The following CAMK2B variants were observed in gnomAD, a reference collection of about 807,000 sequenced individuals.
CAMK2B encodes calcium/calmodulin dependent protein kinase II beta, also known as calcium/calmodulin-dependent protein kinase type II subunit beta.
CAMK2B carries 27 observed loss-of-function variants against 93.7 expected under a neutral mutation model. The ratio of observed to expected loss-of-function variants is 0.29; its 90% CI spans 0.21 to 0.40. The LOEUF is 0.40. CAMK2B is among the 10% of genes least tolerant of loss of function. The pLI is 1.00. For synonymous variants in CAMK2B, 374 were observed against 358.8 expected (o/e 1.04, Z -0.48); for missense variants, 568 against 895.8 (o/e 0.63, Z 4.67).
In CAMK2B at chr7:44,240,754, GGAGA is replaced by G; in HGVS notation, c.904-9_904-6del. The G allele has an allele frequency of 1.2e-6, 2 of 1,613,784 alleles. No homozygotes were observed. The highest frequency in any genetic ancestry group is 1.7e-6 in the Non-Finnish European group (2 of 1,179,896). The stretch of plus-strand genomic sequence containing the variant: ...CATGGTGGTGAGGATGGCTCCCTGG[GGAGA>G]GACACAGATAAAACCGGGGCTATCC... On this transcript the variant is annotated splice_polypyrimidine_tract_variant and splice_region_variant and intron_variant, in intron 11 of 23. Coordinates refer to ENST00000395749, the MANE Select transcript of CAMK2B (RefSeq NM_001220.5).
intron 22 of CAMK2B, 77 bp from the exon 23 acceptor site, chr7:44,220,371 A>G: frequency 8.5e-7 from 1 of 1,171,456 alleles, no homozygotes; most frequent in Non-Finnish European, 1.2e-6. Context: ...CACCAGCCTA[A>G]TCCTTTCCCT....
At chr7:44,231,337 T>C (rs1192632134) in intron 16 of CAMK2B, among the ~76,000 whole-genome samples, 1 of 152,124 alleles carries the variant, frequency 6.6e-6, no homozygotes, top group African/African-American at 2.4e-5. Context: ...GGGTGCATTC[T>C]CACGGCAGCC....
intron 2 of CAMK2B, among the ~76,000 whole-genome samples, chr7:44,274,119 G>A (rs1446474323): frequency 1.3e-5 from 2 of 152,080 alleles, no homozygotes; most frequent in Admixed American, 1.3e-4. Context: ...ATTCACCCAC[G>A]GGGCTCTTCT....
rs1321613429 is a variant in CAMK2B at position 44,231,026 on chromosome 7, A to G, written c.1205T>C (p.Ile402Thr). 24 of 1,552,624 alleles carry G rather than the reference A, an allele frequency of 1.5e-5. No homozygotes were observed. The highest frequency in any genetic ancestry group is 2.0e-5 in the Non-Finnish European group (23 of 1,147,726). The stretch of plus-strand genomic sequence containing the variant: ...GGTACCTTTAGCGTCTTCATCCTCT[A>G]TGGTGGTATTGGCACTGTCAGAAGA... Reference protein sequence around the residue: ...KESSDSANTTIEDEDAKAPRV... With the variant: ...KESSDSANTTTEDEDAKAPRV... Residue 402 changes from isoleucine to threonine, a missense_variant, in exon 17 of 24, where the codon ATA (isoleucine) becomes ACA (threonine). Coordinates refer to ENST00000395749, the MANE Select transcript of CAMK2B (RefSeq NM_001220.5).
At chr7:44,302,022 AAG>A (rs1790200442) in intron 1 of CAMK2B, among the ~76,000 whole-genome samples, 1 of 152,208 alleles carries the variant, frequency 6.6e-6, no homozygotes, top group African/African-American at 2.4e-5. Flanking sequence ...CTAAGGAAAA[AAG>A]AGAAAAGAGG....
At chr7:44,281,836 T>C (rs1451250139) in intron 2 of CAMK2B, among the ~76,000 whole-genome samples, 1 of 152,100 alleles carries the variant, frequency 6.6e-6, no homozygotes, top group Non-Finnish European at 1.5e-5. Flanking sequence ...CAAGTGGCCT[T>C]CAGCTCTGCC....
chr7:44,266,904 C>T (rs2096925935), intron 2 of CAMK2B: 1 of 152,252 alleles, frequency 6.6e-6, no homozygotes, highest in South Asian at 2.1e-4. Flanking sequence ...AGAACCCACC[C>T]CATCCAACAG....
intron 1 of CAMK2B, among the ~76,000 whole-genome samples, chr7:44,290,314 C>A (rs1430317941): frequency 2.6e-5 from 4 of 152,270 alleles, no homozygotes; most frequent in African/African-American, 9.6e-5. Context: ...GCTCCCCACG[C>A]GGGCCAGGCG....
intron 6 of CAMK2B, among the ~76,000 whole-genome samples, chr7:44,243,967 C>T (rs1192561561): frequency 1.3e-5 from 2 of 152,206 alleles, no homozygotes; most frequent in African/African-American, 4.8e-5. Flanking sequence ...GCTGCAATGG[C>T]CCTCCCTTCC....
At chr7:44,227,918 G>A (rs953880008) in intron 19 of CAMK2B, among the ~76,000 whole-genome samples, 20 of 136,606 alleles carry the variant, frequency 1.5e-4, no homozygotes, top group African/African-American at 3.8e-4. Flanking sequence ...TTAGGGGGAC[G>A]TGGAGAGGTT....
chr7:44,245,566 T>C (rs971716398), intron 6 of CAMK2B, among the ~76,000 whole-genome samples: 4 of 152,140 alleles, frequency 2.6e-5, no homozygotes, highest in African/African-American at 9.7e-5. Flanking sequence ...GGAGAGCCAC[T>C]GAGTCCTAGC....
intron 20 of CAMK2B, among the ~76,000 whole-genome samples, chr7:44,223,589 G>GC (rs397696206): frequency 6.7e-6 from 1 of 149,110 alleles, no homozygotes; most frequent in African/African-American, 2.5e-5. Flanking sequence ...GACACTTGAG[G>GC]CCCGCCCCCG....
chr7:44,248,367 C>A lies in CAMK2B; in HGVS notation c.342-1175G>T, dbSNP rs2971687. 0.022 allele frequency among the ~76,000 whole-genome samples: 3,328 copies of A among 152,274 alleles called. 118 individuals carry two copies. The highest frequency in any genetic ancestry group is 0.074 in the African/African-American group (3,066 of 41,546). On this transcript the variant is annotated intron_variant, in intron 5 of 23. Coordinates refer to ENST00000395749, the MANE Select transcript of CAMK2B (RefSeq NM_001220.5). The surrounding 1 kb of genome is among the most constrained non-coding windows in gnomAD (Gnocchi z 4.1). ...ACGGAGCCCCTGCACACACCGAGAG[C>A]CCGTGGCTTGAATCTGCTTCTGCCC...
At chr7:44,268,976 T>C (rs73317742) in intron 2 of CAMK2B, among the ~76,000 whole-genome samples, 8,594 of 152,200 alleles carry the variant, frequency 0.056, 809 homozygotes, top group African/African-American at 0.2. Context: ...ACTGCAAACC[T>C]CTCCTGGTGT....
chr7:44,278,143 C>A (rs1018882124), intron 2 of CAMK2B, among the ~76,000 whole-genome samples: 1 of 152,110 alleles, frequency 6.6e-6, no homozygotes, highest in East Asian at 1.9e-4. Flanking sequence ...GCAGGCTGCC[C>A]GTGGGACGAT....
In CAMK2B at chr7:44,275,393, C is replaced by T. The variant is rs546448220; in HGVS notation, c.160+8738G>A. ...GACAGATGGGGCCAGCAAGGGCCAG[C>T]ACCCTCCGCGCAGCCCGGCTCCCTG... On this transcript the variant is annotated intron_variant, in intron 2 of 23. Coordinates refer to ENST00000395749, the MANE Select transcript of CAMK2B (RefSeq NM_001220.5). 2.5e-4 allele frequency among the ~76,000 whole-genome samples: 38 copies of T among 152,358 alleles called. 1 individual carries two copies. In the South Asian group the frequency reaches 7.7e-3, roughly 31 times the overall value.
intron 15 of CAMK2B, among the ~76,000 whole-genome samples, chr7:44,233,315 T>A (rs113227655): frequency 5.3e-5 from 8 of 152,210 alleles, no homozygotes; most frequent in African/African-American, 1.9e-4. Context: ...GAGATGGGGC[T>A]GGCTGTGAGG....
chr7:44,317,392 G>A (rs1475222609), intron 1 of CAMK2B, among the ~76,000 whole-genome samples: 1 of 152,072 alleles, frequency 6.6e-6, no homozygotes, highest in Non-Finnish European at 1.5e-5. Context: ...ATTTCAAGAC[G>A]TAGTACAAAA....
At chr7:44,227,981 G>A (rs953104705) in intron 19 of CAMK2B, among the ~76,000 whole-genome samples, 1 of 151,388 alleles carries the variant, frequency 6.6e-6, no homozygotes, top group Admixed American at 6.6e-5. Context: ...GGGGACAGAG[G>A]GTGCTGCTGC....
Sources: gnomAD v4.1 joint callset for allele counts (sites outside exome capture counted in the v4.1 genomes callset) on GRCh38, gnomAD v4.1.1 for gene constraint, Gnocchi (gnomAD v3.1) non-coding constraint, MANE v1.5 for transcripts, NCBI Gene and HGNC (gene_info 2026-07-23, HGNC 2026-07-21) for gene names.